Variants in MACO1 observed in about 807,000 individuals in gnomAD.
MACO1 encodes the protein macoilin.
In MACO1, 14 loss-of-function variants were observed where a neutral mutation model predicts 78.7. That is an observed-to-expected ratio of 0.18 (90% confidence interval 0.12 to 0.28). The LOEUF is 0.28. Among genes scored for constraint, MACO1 ranks in the 10% least tolerant of loss-of-function variants. The probability of loss-of-function intolerance (pLI) is 1.00; values close to 1 mark genes in which losing one functional copy is unlikely to be tolerated. For missense variants in MACO1, 501 were observed against 799.0 expected (o/e 0.63, Z 4.50); for synonymous variants, 288 against 291.6 (o/e 0.99, Z 0.12).
intron 9 of MACO1, among the ~76,000 whole-genome samples, chr1:25,490,048 G>A (rs1276865307): frequency 6.6e-6 from 1 of 151,990 alleles, no homozygotes; most frequent in Non-Finnish European, 1.5e-5. Context: ...AGAGTTGAAG[G>A]CAGAAAAAAC....
chr1:25,488,242 G>A (rs1278653841), intron 8 of MACO1, among the ~76,000 whole-genome samples: 1 of 151,970 alleles, frequency 6.6e-6, no homozygotes, highest in African/African-American at 2.4e-5. Flanking sequence ...TGTAGAGACA[G>A]GGTCTCTCTG....
chr1:25,454,462 G>GTA (rs1460300897), intron 4 of MACO1, 80 bp downstream of exon 4: 10 of 191,640 alleles, frequency 5.2e-5, no homozygotes, highest in African/African-American at 4.7e-4. Context: ...GTGTGTGTGT[G>GTA]TGTGTGTGTA....
intron 9 of MACO1, among the ~76,000 whole-genome samples, chr1:25,490,429 G>T (rs905701823): frequency 1.4e-4 from 22 of 152,166 alleles, no homozygotes; most frequent in African/African-American, 5.1e-4. Flanking sequence ...TATGAAATTA[G>T]CAGATGATTT....
intron 8 of MACO1, among the ~76,000 whole-genome samples, chr1:25,488,400 C>G (rs1041073545): frequency 6.6e-6 from 1 of 152,054 alleles, no homozygotes; most frequent in Non-Finnish European, 1.5e-5. Context: ...GAGAACTGAG[C>G]AGACTGAGCC....
rs2043555656 is a variant in MACO1 at position 25,498,341 on chromosome 1, A to G, written c.1870A>G (p.Ile624Val). 1 of 1,614,178 alleles carries G rather than the reference A, an allele frequency of 6.2e-7. No individual in the cohort carries two copies. The highest frequency in any genetic ancestry group is 1.1e-5 in the South Asian group (1 of 91,080). Residue 624 changes from isoleucine (I) to valine (V), a missense_variant, in exon 11 of 11, where the codon ATA becomes GTA. Coordinates refer to ENST00000374343, the MANE Select transcript of MACO1 (RefSeq NM_018202.6). Reference sequence around the variant, plus strand: ...CGAAGTCATGGCCGTCATGCCCAGCATAACATACAGTGCCGCCACCAGCCC... The same window carrying G: ...CGAAGTCATGGCCGTCATGCCCAGCGTAACATACAGTGCCGCCACCAGCCC... ...IAEVMAVMPS[I>V]TYSAATSPLS...
chr1:25,482,511 C>A (rs2043388793), intron 6 of MACO1, among the ~76,000 whole-genome samples: 1 of 152,124 alleles, frequency 6.6e-6, no homozygotes, highest in South Asian at 2.1e-4. Context: ...GCTGTTCCTG[C>A]CTTTGAGTTT....
At chr1:25,482,116 C>G (rs1191623398) in intron 6 of MACO1, among the ~76,000 whole-genome samples, 1 of 152,118 alleles carries the variant, frequency 6.6e-6, no homozygotes, top group Non-Finnish European at 1.5e-5. Flanking sequence ...ATCACCATTG[C>G]CCTTCAGAAA....
intron 5 of MACO1, 109 bp from the exon 6 acceptor site, chr1:25,458,282 G>T (rs1225164982): frequency 7.0e-7 from 1 of 1,432,068 alleles, no homozygotes; most frequent in Non-Finnish European, 9.3e-7. Flanking sequence ...GCAAACTAAT[G>T]TGAATTTCTT....
Position 25,456,796 on chromosome 1 carries a change from A to G in MACO1, c.617A>G (p.Gln206Arg), listed in dbSNP as rs765102815. ...CAACAAGCTCTCCCTCCAGAGCAACAGATGCTACAGAAGCAAGAAAAAGAG... is the reference window on the plus strand; with the variant it reads ...CAACAAGCTCTCCCTCCAGAGCAACGGATGCTACAGAAGCAAGAAAAAGAG... ...LLQQALPPEQQMLQKQEKEAE... is the reference protein window; with the variant it reads ...LLQQALPPEQRMLQKQEKEAE... Residue 206 changes from glutamine (Q) to arginine (R), a missense_variant, in exon 5 of 11, where the codon CAG (glutamine) becomes CGG (arginine). Physicochemically the swap from Gln to Arg is conservative, Grantham distance 43. Transcript: ENST00000374343. 1 of 1,613,602 alleles carries G rather than the reference A, an allele frequency of 6.2e-7. No individual in the cohort carries two copies. Among genetic ancestry groups the G allele is most frequent in the East Asian group, 2.2e-5 (1 of 44,854 alleles).
At chr1:25,480,442 G>A (rs1199258076) in intron 6 of MACO1, among the ~76,000 whole-genome samples, 2 of 152,144 alleles carry the variant, frequency 1.3e-5, no homozygotes, top group African/African-American at 4.8e-5. Context: ...TGTCTTATGA[G>A]ATTATTTTAT....
chr1:25,450,208 A>G (rs2043053230), intron 3 of MACO1, among the ~76,000 whole-genome samples: 2 of 152,218 alleles, frequency 1.3e-5, no homozygotes, highest in Admixed American at 6.5e-5. Flanking sequence ...TCTGTAGGCA[A>G]GAACACCTCT....
In MACO1 at chr1:25,480,047, C is replaced by T. The variant is rs116771210; in HGVS notation, c.1155-4069C>T. On this transcript the variant is annotated intron_variant, in intron 6 of 10. Coordinates refer to ENST00000374343, the MANE Select transcript of MACO1 (RefSeq NM_018202.6). ...TATTTATACTTTTCCATTGTTTATTCAGTTTTTGATACTGTGACTGGGTAT... is the reference window on the plus strand; with the variant it reads ...TATTTATACTTTTCCATTGTTTATTTAGTTTTTGATACTGTGACTGGGTAT... Among the ~76,000 whole-genome samples the T allele has an allele frequency of 7.1e-3, 1,077 of 152,226 alleles. 17 individuals carry two copies. Among genetic ancestry groups the T allele is most frequent in the African/African-American group, 0.025 (1,023 of 41,534 alleles).
intron 6 of MACO1, among the ~76,000 whole-genome samples, chr1:25,460,432 C>G (rs2043161102): frequency 6.7e-6 from 1 of 148,390 alleles, no homozygotes; most frequent in African/African-American, 2.5e-5. Flanking sequence ...GAGATAGGAT[C>G]TCACTGTTTT....
In MACO1 at chr1:25,433,247, T is replaced by C. The variant is rs1445471918; in HGVS notation, c.80+2069T>C. 3.9e-5 allele frequency among the ~76,000 whole-genome samples: 6 copies of C among 152,160 alleles called. No homozygotes were observed. In the South Asian group the frequency reaches 6.2e-4, roughly 16 times the overall value. ...CTGTTTCTTGGTTTATATTATGGAG[T>C]ATTGGACTGAAGAACAAGATTTTTT... On this transcript the variant is annotated intron_variant, in intron 1 of 10. Transcript: ENST00000374343.
chr1:25,471,736 A>G (rs1258849876), intron 6 of MACO1, among the ~76,000 whole-genome samples: 2 of 152,190 alleles, frequency 1.3e-5, no homozygotes, highest in African/African-American at 4.8e-5. Context: ...CCTGAATATC[A>G]CATTAGACCC....
intron 4 of MACO1, among the ~76,000 whole-genome samples, chr1:25,455,038 T>A (rs1379371936): frequency 6.6e-6 from 1 of 152,164 alleles, no homozygotes; most frequent in African/African-American, 2.4e-5. Context: ...ACTGAAGTGA[T>A]ACATGTATTC....
In MACO1 at chr1:25,430,949, GCT is replaced by G; in HGVS notation, c.-149_-148del. 6.5e-6 allele frequency: 3 copies of G among 460,770 alleles called. No individual in the cohort carries two copies. The highest frequency in any genetic ancestry group is 8.0e-5 in the East Asian group (2 of 24,956). The allele number at this position is 460,770 out of a possible 1,614,324, so 28.5% of individuals were successfully genotyped here. On this transcript the variant is annotated 5_prime_UTR_variant, in exon 1 of 11. Coordinates refer to ENST00000374343, the MANE Select transcript of MACO1 (RefSeq NM_018202.6). ...GAGGCTCCGAGCCCCCCCTCCCCGT[GCT>G]ACCCCCTCCCCCCGGGTGCTGGCTC... is the stretch of plus-strand genomic sequence containing the variant.
At chr1:25,497,058 CAGAA>C (rs1186449208) in intron 10 of MACO1, among the ~76,000 whole-genome samples, 4 of 152,094 alleles carry the variant, frequency 2.6e-5, no homozygotes, top group Admixed American at 6.6e-5. Context: ...TTATAAGTGA[CAGAA>C]AGGGAAGTGG....
Position 25,458,865 on chromosome 1 carries a change from A to G in MACO1, c.1127A>G (p.Gln376Arg), listed in dbSNP as rs1233027728. The G allele has an allele frequency of 6.2e-7, 1 of 1,613,800 alleles. No individual in the cohort carries two copies. The highest frequency in any genetic ancestry group is 1.7e-5 in the Admixed American group (1 of 59,984). The stretch of plus-strand genomic sequence containing the variant: ...ATGGAAAACTGTATTCCTAATAACC[A>G]GCTAAGCAAACCAGACGCACTGGTC... ...DLMENCIPNN[Q>R]LSKPDALVRL... is the part of the protein sequence containing the mutation. The change falls in exon 6 of 11, where the codon CAG (glutamine) becomes CGG (arginine). Residue 376 changes from glutamine (Q) to arginine (R), a missense_variant. Transcript: ENST00000374343.
Sources: allele counts gnomAD v4.1 joint callset (sites outside exome capture counted in the v4.1 genomes callset), GRCh38; gene constraint gnomAD v4.1.1; transcripts MANE v1.5; gene names NCBI Gene and HGNC (gene_info 2026-07-23, HGNC 2026-07-21).